Variants in MAGI2 observed in about 807,000 individuals in gnomAD.
MAGI2 encodes membrane-associated guanylate kinase, WW and PDZ domain-containing protein 2.
In MAGI2, 35 loss-of-function variants were observed where a neutral mutation model predicts 133.3. The ratio of observed to expected loss-of-function variants is 0.26; its 90% confidence interval spans 0.20 to 0.35. The LOEUF is 0.35. Ranked by LOEUF, MAGI2 falls within the 10% of genes least tolerant of loss-of-function variation. The pLI, the probability that MAGI2 is intolerant of heterozygous loss-of-function variation, is 1.00. For missense variants in MAGI2, 1,636 were observed against 1,863.4 expected (o/e 0.88, Z 2.25); for synonymous variants, 729 against 710.6 (o/e 1.03, Z -0.41).
Position 78,984,649 on chromosome 7 carries a change from C to T in MAGI2, c.418+22441G>A, listed in dbSNP as rs577904991. On this transcript the variant is annotated intron_variant, in intron 2 of 21. Transcript: ENST00000354212. ...TGCTCGTATGTGATACCTTCCCTGACAGTCCTATTTAAAATTGGACACACA... is the reference window on the plus strand; with the variant it reads ...TGCTCGTATGTGATACCTTCCCTGATAGTCCTATTTAAAATTGGACACACA... Among the ~76,000 whole-genome samples, 8 of 151,962 alleles carry T rather than the reference C, an allele frequency of 5.3e-5. No homozygotes were observed. In the South Asian group the frequency reaches 1.7e-3, roughly 32 times the overall value.
chr7:78,962,620 A>G (rs1445460958), intron 2 of MAGI2, among the ~76,000 whole-genome samples: 3 of 152,092 alleles, frequency 2.0e-5, no homozygotes, highest in South Asian at 4.1e-4. Context: ...TTGTAGAAAA[A>G]AAAAAGATTC....
At chr7:78,984,052 A>G (rs1584577911) in intron 2 of MAGI2, among the ~76,000 whole-genome samples, 1 of 151,916 alleles carries the variant, frequency 6.6e-6, no homozygotes, top group South Asian at 2.1e-4. Flanking sequence ...AGACTTTGCA[A>G]CTCATTAGAA....
chr7:78,019,211 T>G lies in MAGI2; in HGVS notation c.*104A>C. 7.4e-7 allele frequency: 1 copy of G among 1,347,198 alleles called. No individual in the cohort carries two copies. The highest frequency in any genetic ancestry group is 1.0e-6 in the Non-Finnish European group (1 of 990,538). The allele number at this position is 1,347,198 out of a possible 1,614,324, so 83.5% of individuals were successfully genotyped here. ...GATGCTCCCAGGCCTTGGTGCCTCG[T>G]GGATCTATGCGTGTGACAGTGAAAA... is the stretch of plus-strand genomic sequence containing the variant. On this transcript the variant is annotated 3_prime_UTR_variant, in exon 22 of 22. Coordinates refer to ENST00000354212, the MANE Select transcript of MAGI2 (RefSeq NM_012301.4).
At chr7:79,251,115 AC>A (rs1833223914) in intron 1 of MAGI2, among the ~76,000 whole-genome samples, 1 of 152,158 alleles carries the variant, frequency 6.6e-6, no homozygotes, top group Non-Finnish European at 1.5e-5. Flanking sequence ...TAAATCTGAG[AC>A]CTCAAACTAT....
chr7:78,199,656 G>C (rs533194927), intron 11 of MAGI2, among the ~76,000 whole-genome samples: 1 of 152,128 alleles, frequency 6.6e-6, no homozygotes, highest in Admixed American at 6.5e-5. Flanking sequence ...AGAGTTTCTG[G>C]TAGATACATG....
At chr7:78,956,411 C>T (rs560857447) in intron 2 of MAGI2, among the ~76,000 whole-genome samples, 1 of 152,260 alleles carries the variant, frequency 6.6e-6, no homozygotes, top group South Asian at 2.1e-4. Flanking sequence ...AGGACCTACA[C>T]TAAAAGGTCC....
At chr7:79,020,496 G>C (rs1205700760) in intron 1 of MAGI2, among the ~76,000 whole-genome samples, 1 of 152,166 alleles carries the variant, frequency 6.6e-6, no homozygotes, top group Admixed American at 6.5e-5. Context: ...GTCAGGCGCG[G>C]TGGCTGATGC....
intron 3 of MAGI2, among the ~76,000 whole-genome samples, chr7:78,542,813 C>A (rs1482855599): frequency 1.3e-5 from 2 of 152,136 alleles, no homozygotes; most frequent in Non-Finnish European, 2.9e-5. Flanking sequence ...AGGTTTTATG[C>A]AAGGGGCTAA....
chr7:78,274,346 A>T (rs1012890464), intron 9 of MAGI2, among the ~76,000 whole-genome samples: 1 of 152,156 alleles, frequency 6.6e-6, no homozygotes, highest in Non-Finnish European at 1.5e-5. Flanking sequence ...GATGCCAGCC[A>T]TAGCTCTCCT....
At chr7:78,948,487 T>G (rs186328029) in intron 2 of MAGI2, among the ~76,000 whole-genome samples, 1 of 152,214 alleles carries the variant, frequency 6.6e-6, no homozygotes, top group Non-Finnish European at 1.5e-5. Context: ...TCACTGGAAC[T>G]GTCACTGCTG....
At chr7:78,599,904 C>T (rs115885947) in intron 3 of MAGI2, among the ~76,000 whole-genome samples, 2,549 of 152,206 alleles carry the variant, frequency 0.017, 34 homozygotes, top group African/African-American at 0.036. Context: ...TCTGCATTTG[C>T]CAGAGAGAAC....
intron 1 of MAGI2, among the ~76,000 whole-genome samples, chr7:79,341,664 A>G (rs1350373852): frequency 3.9e-5 from 6 of 152,200 alleles, no homozygotes; most frequent in Admixed American, 3.3e-4. Flanking sequence ...GCAGTGGCCA[A>G]TAGAGGCTAG....
At chr7:78,726,708 GTATAA>G (rs1441017599) in intron 2 of MAGI2, among the ~76,000 whole-genome samples, 19 of 152,100 alleles carry the variant, frequency 1.2e-4, no homozygotes, top group African/African-American at 3.6e-4. Flanking sequence ...AATTGATGTG[GTATAA>G]TATGCTAGTT....
At chr7:78,781,664 T>G (rs970802501) in intron 2 of MAGI2, among the ~76,000 whole-genome samples, 20 of 152,170 alleles carry the variant, frequency 1.3e-4, no homozygotes, top group African/African-American at 4.3e-4. Flanking sequence ...GACAATATAT[T>G]TCTATGGGAA....
intron 1 of MAGI2, among the ~76,000 whole-genome samples, chr7:79,180,453 G>A (rs1034542508): frequency 2.6e-5 from 4 of 151,932 alleles, no homozygotes; most frequent in Admixed American, 2.6e-4. Flanking sequence ...GAGAGCCTGC[G>A]CAAAGAAACT....
chr7:79,043,519 G>T (rs1400525542), intron 1 of MAGI2, among the ~76,000 whole-genome samples: 1 of 140,382 alleles, frequency 7.1e-6, no homozygotes, highest in African/African-American at 2.7e-5. Flanking sequence ...CTCCAGCCTG[G>T]GTGACAGAGT....
intron 2 of MAGI2, among the ~76,000 whole-genome samples, chr7:78,852,298 G>T (rs547600505): frequency 6.6e-6 from 1 of 151,978 alleles, no homozygotes; most frequent in East Asian, 1.9e-4. Context: ...GTATTATTAT[G>T]AATATCAAAT....
intron 2 of MAGI2, among the ~76,000 whole-genome samples, chr7:78,725,525 A>G (rs1334825994): frequency 2.0e-4 from 30 of 152,366 alleles, no homozygotes; most frequent in Non-Finnish European, 5.9e-5. Flanking sequence ...TAGGCCAGGC[A>G]CGGTGGCTCA....
chr7:78,645,604 A>C (rs1380419250), intron 2 of MAGI2, among the ~76,000 whole-genome samples: 1 of 151,212 alleles, frequency 6.6e-6, no homozygotes, highest in African/African-American at 2.4e-5. Flanking sequence ...AATCCTACTA[A>C]AAACTCTTAG....
Sources: gnomAD v4.1 joint callset for allele counts (sites outside exome capture counted in the v4.1 genomes callset) on GRCh38, gnomAD v4.1.1 for gene constraint, MANE v1.5 for transcripts, NCBI Gene and HGNC (gene_info 2026-07-23, HGNC 2026-07-21) for gene names.